Variants in ADSL observed in about 807,000 individuals in gnomAD.
The protein encoded by ADSL is adenylosuccinate lyase.
Under a neutral mutation model 62.1 loss-of-function variants are expected in ADSL, and 44 were observed. The ratio of observed to expected loss-of-function variants is 0.71; its 90% CI spans 0.56 to 0.91. The LOEUF (loss-of-function observed/expected upper bound fraction) is 0.91. Among genes scored for constraint, ADSL ranks in the 40% least tolerant of loss-of-function variants. ADSL has a pLI of 0.00. For missense variants in ADSL, 531 were observed against 627.4 expected, an observed-to-expected ratio of 0.85 and a Z score of 1.64; for synonymous variants, 198 against 220.5, an observed-to-expected ratio of 0.90 and a Z score of 0.90.
In ADSL at chr22:40,346,616, C is replaced by A; in HGVS notation, c.58C>A (p.Arg20Ser). The change falls in exon 1 of 13, where the codon CGC (arginine) becomes AGC (serine). Residue 20 changes from arginine (R) to serine (S), a missense_variant. Around this residue, in one of 2 missense-constraint regions of ADSL, gnomAD observed 60 missense variants for 34.5 expected, o/e 1.74. Transcript: ENST00000623063. Reference sequence around the variant, plus strand: ...CAGCTACCGCTCACCTCTTGCCTCCCGCTATGCCAGCCCGGAGATGTGCTT... The same window carrying A: ...CAGCTACCGCTCACCTCTTGCCTCCAGCTATGCCAGCCCGGAGATGTGCTT... ...PDSYRSPLAS[R>S]YASPEMCFVF... 4.3e-6 allele frequency: 7 copies of A among 1,609,916 alleles called. No individual in the cohort carries two copies. Among genetic ancestry groups the A allele is most frequent in the Non-Finnish European group, 5.9e-6 (7 of 1,178,394 alleles).
chr22:40,387,133 T>C (rs1601860607), intron 2 of ADSL: 2 of 398,266 alleles, frequency 5.0e-6, no homozygotes, highest in South Asian at 2.5e-4. Flanking sequence ...AGTCCTTTGC[T>C]GAGGTGTAAA....
At chr22:40,348,061 A>G (rs2044210103) in intron 1 of ADSL, among the ~76,000 whole-genome samples, 2 of 152,208 alleles carry the variant, frequency 1.3e-5, no homozygotes, top group South Asian at 2.1e-4. Context: ...AATGCATACA[A>G]TTTTGGCTTT....
At chr22:40,364,230 A>G (rs376218053) in intron 10 of ADSL, 46 bp from the exon 11 acceptor site, 2 of 1,550,262 alleles carry the variant, frequency 1.3e-6, no homozygotes, top group African/African-American at 2.7e-5. Context: ...TATGACTTTA[A>G]CCTTGAGGCA....
intron 2 of ADSL, among the ~76,000 whole-genome samples, chr22:40,380,666 T>C (rs2047421531): frequency 6.6e-6 from 1 of 152,182 alleles, no homozygotes; most frequent in Admixed American, 6.6e-5. Context: ...AAAACAGGCC[T>C]GGCTCACACC....
intron 6 of ADSL, among the ~76,000 whole-genome samples, chr22:40,359,665 G>C (rs1308954752): frequency 6.6e-6 from 1 of 151,816 alleles, no homozygotes; most frequent in Non-Finnish European, 1.5e-5. Flanking sequence ...AGCCCCCTGT[G>C]ACTACAGGCA....
In ADSL at chr22:40,368,449, G is replaced by C. The variant is rs992423393; in HGVS notation, c.*1927G>C. 1.3e-5 allele frequency: 2 copies of C among 152,058 alleles called. No individual in the cohort carries two copies. Among genetic ancestry groups the C allele is most frequent in the Admixed American group, 6.6e-5 (1 of 15,236 alleles). 9.4% of individuals were successfully genotyped at this position (152,058 alleles called of 1,614,324 possible). A position where few individuals can be genotyped will look rare whatever the true frequency, so the allele number is the denominator to read the frequency against. On this transcript the variant is annotated 3_prime_UTR_variant, in exon 13 of 13. Coordinates refer to ENST00000623063, the MANE Select transcript of ADSL (RefSeq NM_000026.4). ...AGCCCAAGAGTTTAGTCCAGGCTGGGTGACAGCGAGCCCTTGTCACTTAAA... is the reference window on the plus strand; with the variant it reads ...AGCCCAAGAGTTTAGTCCAGGCTGGCTGACAGCGAGCCCTTGTCACTTAAA...
In ADSL at chr22:40,353,054, AT is replaced by A; in HGVS notation, c.358-17del. ...GAGCAAAGCTGCTAAATATAAGATC[AT>A]TGCATTTTCTTTCGTAGGACTTGAT... is the stretch of plus-strand genomic sequence containing the variant. On this transcript the variant is annotated intron_variant, in intron 2 of 12. Transcript: ENST00000623063. 3 of 1,609,248 alleles carry A rather than the reference AT, an allele frequency of 1.9e-6. No individual in the cohort carries two copies. Among genetic ancestry groups the A allele is most frequent in the Non-Finnish European group, 2.6e-6 (3 of 1,175,578 alleles).
chr22:40,364,629 A>G, intron 11 of ADSL: 1 of 626,762 alleles, frequency 1.6e-6, no homozygotes, highest in Non-Finnish European at 2.8e-6. Flanking sequence ...TGAGCAGGAA[A>G]CGAGCAAATG....
rs1193437955 is a variant in ADSL, at chr22:40,346,709, C to G, written c.151C>G (p.Gln51Glu). The G allele has an allele frequency of 6.2e-7, 1 of 1,603,492 alleles. No homozygotes were observed. The highest frequency in any genetic ancestry group is 1.1e-5 in the South Asian group (1 of 89,890). The change falls in exon 1 of 13, where the codon CAG becomes GAG. Residue 51 changes from glutamine (Q) to glutamate (E), a missense_variant and splice_region_variant. Around this residue, in one of 2 missense-constraint regions of ADSL, gnomAD observed 471 missense variants for 592.9 expected, o/e 0.79. Coordinates refer to ENST00000623063, the MANE Select transcript of ADSL (RefSeq NM_000026.4). ...QLWLWLAEAE[Q>E]TLGLPITDEQ... ...GTGGCTGTGGCTGGCGGAGGCCGAG[C>G]AGGTAACGGATCCCGGGCTGAGGGG...
chr22:40,354,406 C>A, intron 4 of ADSL, 79 bp downstream of exon 4: 1 of 1,112,404 alleles, frequency 9.0e-7, no homozygotes, highest in South Asian at 1.2e-5. Flanking sequence ...CCACAGTAAC[C>A]TTGAGGTGAA....
chr22:40,365,280 G>A (rs1407774898), intron 12 of ADSL, among the ~76,000 whole-genome samples: 1 of 152,118 alleles, frequency 6.6e-6, no homozygotes, highest in African/African-American at 2.4e-5. Flanking sequence ...TGAGTGCAGT[G>A]GTGCTGGGAT....
rs2146634344 is a variant in ADSL at position 40,353,123 on chromosome 22, G to A, written c.402+6G>A. The stretch of plus-strand genomic sequence containing the variant: ...TTGACCTGCTTTTGCCAAAGGTAAG[G>A]AGTTGGCAGATGTTTCCTACCAACC... On this transcript the variant is annotated splice_donor_region_variant and intron_variant, in intron 3 of 12. Transcript: ENST00000623063. 1 of 1,612,486 alleles carries A rather than the reference G, an allele frequency of 6.2e-7. No individual in the cohort carries two copies.
intron 2 of ADSL, among the ~76,000 whole-genome samples, chr22:40,384,678 G>A (rs1440704449): frequency 1.3e-5 from 2 of 152,170 alleles, no homozygotes; most frequent in African/African-American, 4.8e-5. Context: ...TACTCAGGAG[G>A]CTAAGGCGGG....
intron 2 of ADSL, among the ~76,000 whole-genome samples, chr22:40,387,020 G>A (rs375202914): frequency 2.0e-5 from 3 of 151,986 alleles, no homozygotes; most frequent in African/African-American, 4.8e-5. Flanking sequence ...TTTTGTTCCC[G>A]CACATGCACA....
At chr22:40,358,776 G>A (rs2044660592) in intron 4 of ADSL, 88 bp from the exon 5 acceptor site, 3 of 1,268,090 alleles carry the variant, frequency 2.4e-6, no homozygotes, top group Admixed American at 1.7e-5. Flanking sequence ...CCTCCAAGGG[G>A]TAATGGTGGT....
intron 4 of ADSL, among the ~76,000 whole-genome samples, chr22:40,355,991 A>C (rs369785438): frequency 1.1e-3 from 172 of 149,696 alleles, no homozygotes; most frequent in African/African-American, 3.8e-3. Flanking sequence ...GTTCAAGACC[A>C]GCCTGGCTCA....
intron 3 of ADSL, 25 bp from the exon 4 acceptor site, chr22:40,354,223 T>G: frequency 6.2e-7 from 1 of 1,608,204 alleles, no homozygotes; most frequent in Non-Finnish European, 8.5e-7. Context: ...TTCAACCTCT[T>G]TCTATCACAT....
At chr22:40,384,831 A>T (rs1257308365) in intron 2 of ADSL, among the ~76,000 whole-genome samples, 1 of 152,240 alleles carries the variant, frequency 6.6e-6, no homozygotes, top group African/African-American at 2.4e-5. Context: ...AGTCAAATGA[A>T]GCTATCCAAC....
intron 4 of ADSL, among the ~76,000 whole-genome samples, chr22:40,357,231 A>G (rs961493804): frequency 7.1e-6 from 1 of 140,314 alleles, no homozygotes; most frequent in Non-Finnish European, 1.5e-5. Context: ...ACAGACCTTC[A>G]GTGGCTTGAT....
Sources: allele counts gnomAD v4.1 joint callset (sites outside exome capture counted in the v4.1 genomes callset), GRCh38; gene constraint gnomAD v4.1.1; regional missense constraint gnomAD v4.1.1; transcripts MANE v1.5; gene names NCBI Gene and HGNC (gene_info 2026-07-23, HGNC 2026-07-21).